The following SLC30A8 variants were observed in gnomAD, a reference collection of about 807,000 sequenced individuals.
SLC30A8 encodes solute carrier family 30 member 8, also known as proton-coupled zinc antiporter SLC30A8.
A neutral mutation model predicts 36.9 loss-of-function variants in SLC30A8; 27 were observed. That is an observed-to-expected ratio of 0.73 (90% CI 0.54 to 1.01). The LOEUF is 1.01. SLC30A8 is among the 50% of genes least tolerant of loss of function. The probability of loss-of-function intolerance (pLI) is 0.00; values close to 1 mark genes in which losing one functional copy is unlikely to be tolerated. For synonymous variants in SLC30A8, 164 were observed against 172.4 expected (o/e 0.95, Z 0.38); for missense variants, 439 against 452.0 (o/e 0.97, Z 0.26).
chr8:116,958,649 A>G (rs1563722444), intron 1 of SLC30A8, among the ~76,000 whole-genome samples: 1 of 151,724 alleles, frequency 6.6e-6, no homozygotes, highest in South Asian at 2.1e-4. Context: ...TGATGTGTCT[A>G]TCTTTGTGTT....
chr8:117,106,276 T>C (rs1284797676), intron 2 of SLC30A8, among the ~76,000 whole-genome samples: 1 of 152,210 alleles, frequency 6.6e-6, no homozygotes, highest in Admixed American at 6.5e-5. Context: ...CATTTAATTG[T>C]AATTAATTTA....
chr8:117,161,576 A>G (rs978688065), intron 4 of SLC30A8, among the ~76,000 whole-genome samples, 162 bp from the exon 5 acceptor site: 2 of 152,242 alleles, frequency 1.3e-5, no homozygotes, highest in African/African-American at 4.8e-5. Flanking sequence ...ATTCTATGAC[A>G]TATGTATTTA....
At chr8:116,991,930 T>TTG (rs1440483003) in intron 1 of SLC30A8, among the ~76,000 whole-genome samples, 1 of 152,218 alleles carries the variant, frequency 6.6e-6, no homozygotes, top group East Asian at 1.9e-4. Flanking sequence ...TTGCAGTGTC[T>TTG]TGTGGCCCTG....
At chr8:116,976,825 T>TCTTTCTTTTCTTTTCTTTTCTTTTC (rs199570679) in intron 1 of SLC30A8, among the ~76,000 whole-genome samples, 5 of 145,002 alleles carry the variant, frequency 3.4e-5, no homozygotes, top group African/African-American at 1.1e-4. Context: ...TTTCTTTCTT[T>TCTTTCTTTTCTTTTCTTTTCTTTTC]TTTTTTTTTT....
chr8:117,167,822 C>CTTACATGCTTTA (rs920493943), intron 6 of SLC30A8, among the ~76,000 whole-genome samples: 3 of 152,054 alleles, frequency 2.0e-5, no homozygotes, highest in African/African-American at 7.2e-5. Flanking sequence ...TGTTTCAAAA[C>CTTACATGCTTTA]TTACATGCTT....
At chr8:117,127,477 T>C (rs925225298) in intron 2 of SLC30A8, among the ~76,000 whole-genome samples, 1 of 152,038 alleles carries the variant, frequency 6.6e-6, no homozygotes, top group African/African-American at 2.4e-5. Context: ...TTATTTCTTG[T>C]GCTCTGTCAT....
At chr8:116,974,925 C>CTA (rs1814932108) in intron 1 of SLC30A8, among the ~76,000 whole-genome samples, 2 of 151,474 alleles carry the variant, frequency 1.3e-5, no homozygotes, top group Non-Finnish European at 2.9e-5. Flanking sequence ...TCTGCACAAA[C>CTA]TGTCACAAGG....
rs192499207 is a variant in SLC30A8 at position 117,004,936 on chromosome 8, C to G, written c.-265-34283C>G. Among the ~76,000 whole-genome samples, 463 of 152,110 alleles carry G rather than the reference C, an allele frequency of 3.0e-3. 3 individuals are homozygous for G. Among genetic ancestry groups the G allele is most frequent in the African/African-American group, 0.01 (427 of 41,478 alleles). ...GATATATTTTTCCAGGAGCCTCTCT[C>G]AATTCTCTTATATTGGAATAATTTT... On this transcript the variant is annotated intron_variant, in intron 1 of 10. Coordinates refer to the SLC30A8 transcript ENST00000427715.
intron 2 of SLC30A8, among the ~76,000 whole-genome samples, chr8:117,129,069 G>A (rs1821027886): frequency 6.6e-6 from 1 of 152,054 alleles, no homozygotes; most frequent in Non-Finnish European, 1.5e-5. Flanking sequence ...ACTATCCTCA[G>A]AGCAGAATTT....
chr8:117,024,435 A>C (rs1363402671), intron 1 of SLC30A8, among the ~76,000 whole-genome samples: 1 of 151,714 alleles, frequency 6.6e-6, no homozygotes, highest in Non-Finnish European at 1.5e-5. Flanking sequence ...GTCTCTTTCC[A>C]CTCCTTTTGG....
At chr8:117,138,681 T>C (rs1231452533) in intron 1 of SLC30A8, among the ~76,000 whole-genome samples, 2 of 151,996 alleles carry the variant, frequency 1.3e-5, no homozygotes, top group African/African-American at 2.4e-5. Flanking sequence ...AGCAAGGTCC[T>C]GAATATCCCT....
At chr8:117,059,989 A>T (rs1212294775) in intron 2 of SLC30A8, among the ~76,000 whole-genome samples, 1 of 152,024 alleles carries the variant, frequency 6.6e-6, no homozygotes, top group Non-Finnish European at 1.5e-5. Flanking sequence ...TTAGAACAGA[A>T]GCAACTGACT....
intron 1 of SLC30A8, among the ~76,000 whole-genome samples, chr8:116,992,903 A>G (rs1815693138): frequency 6.6e-6 from 1 of 152,190 alleles, no homozygotes; most frequent in South Asian, 2.1e-4. Context: ...TTTTTCTCTG[A>G]CAGAGTTTTC....
At chr8:117,113,396 A>C (rs1233883771) in intron 2 of SLC30A8, among the ~76,000 whole-genome samples, 1 of 152,148 alleles carries the variant, frequency 6.6e-6, no homozygotes, top group Non-Finnish European at 1.5e-5. Flanking sequence ...AATAGAGATA[A>C]TATTATTTGC....
Position 117,157,810 on chromosome 8 carries a change from A to G in SLC30A8, c.538A>G (p.Ile180Val), listed in dbSNP as rs1298189697. Reference protein sequence around the residue: ...DYQIQATVMIIVSSCAVAANI... With the variant: ...DYQIQATVMIVVSSCAVAANI... ...CCAGATCCAGGCGACTGTGATGATCATCGTTTCCAGCTGCGCAGTGGCGGC... is the reference window on the plus strand; with the variant it reads ...CCAGATCCAGGCGACTGTGATGATCGTCGTTTCCAGCTGCGCAGTGGCGGC... The change falls in exon 4 of 8, where the codon ATC becomes GTC. Residue 180 changes from isoleucine (I) to valine (V), a missense_variant. Physicochemically the swap from Ile to Val is conservative, Grantham distance 29 (BLOSUM62 3). Coordinates refer to ENST00000456015, the MANE Select transcript of SLC30A8 (RefSeq NM_173851.3). 2.5e-6 allele frequency: 4 copies of G among 1,614,012 alleles called. No individual in the cohort carries two copies. The African/African-American group carries it at 5.3e-5, about 22-fold the overall frequency.
intron 2 of SLC30A8, among the ~76,000 whole-genome samples, chr8:117,095,851 T>C (rs1473438679): frequency 1.3e-5 from 2 of 152,212 alleles, no homozygotes; most frequent in East Asian, 3.8e-4. Flanking sequence ...CATAAACTTA[T>C]ATAATTACAA....
chr8:116,998,992 G>A (rs1045424046), intron 1 of SLC30A8, among the ~76,000 whole-genome samples: 2 of 152,190 alleles, frequency 1.3e-5, no homozygotes, highest in African/African-American at 4.8e-5. Context: ...GGCCACGCGT[G>A]GTGGCACACG....
intron 1 of SLC30A8, among the ~76,000 whole-genome samples, chr8:116,966,280 G>T (rs373835922): frequency 1.3e-5 from 2 of 152,280 alleles, no homozygotes. Flanking sequence ...TTATATTATA[G>T]TTGAGAACAC....
At chr8:117,129,669 A>AT (rs1014572070) in intron 2 of SLC30A8, among the ~76,000 whole-genome samples, 1 of 152,034 alleles carries the variant, frequency 6.6e-6, no homozygotes, top group African/African-American at 2.4e-5. Context: ...TCCTGATATT[A>AT]TTTTTTAACA....
Sources: allele counts gnomAD v4.1 joint callset (sites outside exome capture counted in the v4.1 genomes callset), GRCh38; gene constraint gnomAD v4.1.1; transcripts MANE v1.5; gene names NCBI Gene and HGNC (gene_info 2026-07-23, HGNC 2026-07-21).